TENM4: variants seen among roughly 807,000 people sequenced by gnomAD.
TENM4 encodes the protein teneurin-4.
A neutral mutation model predicts 243.3 loss-of-function variants in TENM4; 82 were observed. The ratio of observed to expected loss-of-function variants is 0.34; its 90% confidence interval spans 0.28 to 0.40. The LOEUF is 0.40. Among genes scored for constraint, TENM4 ranks in the 10% least tolerant of loss-of-function variants. TENM4 has a pLI of 1.00. For synonymous variants in TENM4, 1,412 were observed against 1,456.3 expected, an observed-to-expected ratio of 0.97 and a Z score of 0.69; for missense variants, 3,138 against 3,673.3, an observed-to-expected ratio of 0.85 and a Z score of 3.77.
chr11:78,898,499 G>T (rs1176319651), intron 7 of TENM4, among the ~76,000 whole-genome samples: 1 of 152,180 alleles, frequency 6.6e-6, no homozygotes, highest in Non-Finnish European at 1.5e-5. Context: ...TTCTGGTGGG[G>T]ACTGGCCCAA....
At chr11:78,762,576 T>A (rs540479975) in intron 18 of TENM4, among the ~76,000 whole-genome samples, 2 of 152,338 alleles carry the variant, frequency 1.3e-5, no homozygotes, top group East Asian at 3.9e-4. Context: ...TGCCTATACC[T>A]TCCTGTGGTG....
intron 3 of TENM4, among the ~76,000 whole-genome samples, chr11:79,212,365 C>A (rs550527074): frequency 6.6e-6 from 1 of 152,366 alleles, no homozygotes; most frequent in Non-Finnish European, 1.5e-5. Flanking sequence ...CACTGATTTG[C>A]AACCCCTTTC....
intron 6 of TENM4, among the ~76,000 whole-genome samples, chr11:78,955,655 G>T (rs1857195877): frequency 6.6e-6 from 1 of 152,204 alleles, no homozygotes; most frequent in Non-Finnish European, 1.5e-5. Context: ...TACAATGAGT[G>T]ACTAATTAGA....
At chr11:78,928,944 G>A (rs993339279) in intron 6 of TENM4, among the ~76,000 whole-genome samples, 3 of 152,226 alleles carry the variant, frequency 2.0e-5, no homozygotes, top group African/African-American at 4.8e-5. Context: ...TCTGCATCTT[G>A]CAGAATGAAA....
In TENM4 at chr11:78,668,506, C is replaced by A. The variant is rs147307935; in HGVS notation, c.7408+431G>T. Among the ~76,000 whole-genome samples, 1,073 of 152,156 alleles carry A rather than the reference C, an allele frequency of 7.1e-3. 9 individuals are homozygous for A. The highest frequency in any genetic ancestry group is 0.025 in the African/African-American group (1,027 of 41,494). ...TTTTAAAGCCATACCTTAACCCAAT[C>A]AAGGACTCATTAGCAGTTTGATTTG... On this transcript the variant is annotated intron_variant, in intron 32 of 33. Coordinates refer to ENST00000278550, the MANE Select transcript of TENM4 (RefSeq NM_001098816.3).
intron 12 of TENM4, among the ~76,000 whole-genome samples, chr11:78,832,993 T>A (rs770737124): frequency 6.6e-6 from 1 of 152,184 alleles, no homozygotes; most frequent in Non-Finnish European, 1.5e-5. Flanking sequence ...GACCTTGCCC[T>A]CAAATAAGCC....
intron 5 of TENM4, among the ~76,000 whole-genome samples, chr11:79,068,840 G>A (rs569154622): frequency 1.3e-3 from 194 of 152,274 alleles, no homozygotes; most frequent in Non-Finnish European, 2.4e-3. Context: ...GGTGGAGTGT[G>A]GAGAGTTAGG....
At chr11:79,375,322 G>A (rs1857870489) in intron 1 of TENM4, among the ~76,000 whole-genome samples, 1 of 152,130 alleles carries the variant, frequency 6.6e-6, no homozygotes, top group African/African-American at 2.4e-5. Context: ...AAAGAAAAAA[G>A]TAGGACAAAA....
At chr11:78,734,805 C>T (rs569798886) in intron 20 of TENM4, among the ~76,000 whole-genome samples, 1 of 152,310 alleles carries the variant, frequency 6.6e-6, no homozygotes, top group African/African-American at 2.4e-5. Context: ...ATTGAGTCCT[C>T]TGTCTTTTCA....
intron 2 of TENM4, among the ~76,000 whole-genome samples, chr11:79,261,830 G>A (rs1403133855): frequency 6.6e-6 from 1 of 152,044 alleles, no homozygotes; most frequent in African/African-American, 2.4e-5. Context: ...GACAAATACT[G>A]GGGCAGGCCT....
chr11:79,144,156 A>G (rs1227179312), intron 4 of TENM4, among the ~76,000 whole-genome samples: 1 of 152,078 alleles, frequency 6.6e-6, no homozygotes. Context: ...TGAATAGAAG[A>G]ATGTCAAAAG....
In TENM4 at chr11:78,854,135, T is replaced by A; in HGVS notation, c.1650A>T (p.Ser550=). ...HLAFYNDGKE[S]EVVSFLTTAI... ...CAGTGGTGAGAAAGGAAACCACTTC[T>A]GACTCCTTTCCGTCATTGTAAAAAG... Residue 550 remains serine, a synonymous_variant, in exon 12 of 34, where the codon TCA becomes TCT. Transcript: ENST00000278550. 6.4e-7 allele frequency: 1 copy of A among 1,551,766 alleles called. No individual in the cohort carries two copies. Among genetic ancestry groups the A allele is most frequent in the Non-Finnish European group, 8.7e-7 (1 of 1,146,990 alleles).
intron 6 of TENM4, among the ~76,000 whole-genome samples, chr11:78,996,215 C>T (rs142525000): frequency 6.8e-4 from 103 of 152,324 alleles, no homozygotes; most frequent in African/African-American, 2.3e-3. Context: ...TTGAATGCAG[C>T]AGATGCTAGC....
At chr11:79,255,140 G>A (rs1855679157) in intron 2 of TENM4, among the ~76,000 whole-genome samples, 1 of 152,220 alleles carries the variant, frequency 6.6e-6, no homozygotes, top group Non-Finnish European at 1.5e-5. Context: ...TCTCCCCACA[G>A]TTAGGGAGGT....
intron 3 of TENM4, among the ~76,000 whole-genome samples, chr11:79,157,813 T>C (rs752549506): frequency 6.6e-6 from 1 of 152,226 alleles, no homozygotes; most frequent in Non-Finnish European, 1.5e-5. Flanking sequence ...GTCCCGCTAC[T>C]GTGAACTCCA....
chr11:79,306,025 C>T (rs1331080228), intron 1 of TENM4, among the ~76,000 whole-genome samples: 1 of 152,226 alleles, frequency 6.6e-6, no homozygotes, highest in Admixed American at 6.5e-5. Flanking sequence ...GGCGCAGGGG[C>T]TCCTCTGCTT....
At chr11:79,359,927 TTA>T (rs1467008629) in intron 1 of TENM4, among the ~76,000 whole-genome samples, 2 of 152,120 alleles carry the variant, frequency 1.3e-5, no homozygotes, top group Non-Finnish European at 2.9e-5. Context: ...TGAAAAATGC[TTA>T]TGTCACCATG....
chr11:78,704,005 C>CCACACACA (rs146417954), intron 27 of TENM4, among the ~76,000 whole-genome samples: 1 of 132,954 alleles, frequency 7.5e-6, no homozygotes, highest in Non-Finnish European at 1.6e-5. Flanking sequence ...GCATGTGCCA[C>CCACACACA]CACACACACA....
chr11:79,233,138 A>G (rs1269351506), intron 2 of TENM4, among the ~76,000 whole-genome samples: 1 of 152,234 alleles, frequency 6.6e-6, no homozygotes, highest in African/African-American at 2.4e-5. Context: ...AGACTGAGTC[A>G]GACGCCATGC....
Sources: allele counts gnomAD v4.1 joint callset (sites outside exome capture counted in the v4.1 genomes callset), GRCh38; gene constraint gnomAD v4.1.1; transcripts MANE v1.5; gene names NCBI Gene and HGNC (gene_info 2026-07-23, HGNC 2026-07-21).